Variants in PTPRM observed in about 807,000 individuals in gnomAD.
The protein encoded by PTPRM is protein tyrosine phosphatase receptor type M.
Under a neutral mutation model 186.7 loss-of-function variants are expected in PTPRM, and 47 were observed. That is an observed-to-expected ratio of 0.25 (90% CI 0.20 to 0.32). PTPRM has a LOEUF of 0.32. Ranked by LOEUF, PTPRM falls within the 10% of genes least tolerant of loss-of-function variation. The probability of loss-of-function intolerance (pLI) is 1.00; values close to 1 mark genes in which losing one functional copy is unlikely to be tolerated. For synonymous variants in PTPRM, 668 were observed against 674.9 expected, an observed-to-expected ratio of 0.99 and a Z score of 0.16; for missense variants, 1,494 against 1,865.0, an observed-to-expected ratio of 0.80 and a Z score of 3.66.
chr18:7,571,069 G>T (rs1195909298), intron 1 of PTPRM, among the ~76,000 whole-genome samples: 2 of 151,810 alleles, frequency 1.3e-5, no homozygotes, highest in African/African-American at 4.8e-5. Context: ...CTCCCGAGTA[G>T]CTGGAACTAC....
intron 21 of PTPRM, among the ~76,000 whole-genome samples, chr18:8,315,800 T>G (rs2095305157): frequency 6.6e-6 from 1 of 152,228 alleles, no homozygotes; most frequent in Non-Finnish European, 1.5e-5. Context: ...GAATGTTATC[T>G]TTAGTGCTAA....
chr18:8,164,000 AC>A (rs1406895846), intron 14 of PTPRM, among the ~76,000 whole-genome samples: 1 of 152,230 alleles, frequency 6.6e-6, no homozygotes, highest in Non-Finnish European at 1.5e-5. Flanking sequence ...CAACCATTAA[AC>A]CAGAGCTGTG....
intron 2 of PTPRM, among the ~76,000 whole-genome samples, chr18:7,784,102 T>C (rs751382642): frequency 2.6e-5 from 4 of 152,090 alleles, no homozygotes; most frequent in Non-Finnish European, 4.4e-5. Context: ...TCCTTCTGCC[T>C]GTGGGGGATC....
intron 1 of PTPRM, among the ~76,000 whole-genome samples, chr18:7,712,475 CA>C (rs928060730): frequency 3.9e-5 from 6 of 152,044 alleles, no homozygotes; most frequent in Admixed American, 1.3e-4. Flanking sequence ...CAAAGGATCA[CA>C]ACTCCTTACT....
At chr18:8,270,052 C>T (rs2094751300) in intron 19 of PTPRM, 1 of 151,826 alleles carries the variant, frequency 6.6e-6, no homozygotes, top group African/African-American at 2.4e-5. Context: ...GAAACAAAGA[C>T]ATAAGCAACA....
intron 2 of PTPRM, among the ~76,000 whole-genome samples, chr18:7,797,177 T>C (rs530336013): frequency 6.6e-6 from 1 of 152,202 alleles, no homozygotes; most frequent in African/African-American, 2.4e-5. Context: ...TCAGTGCACA[T>C]GGCCTCATCT....
intron 14 of PTPRM, among the ~76,000 whole-genome samples, chr18:8,221,410 TAAAAG>T (rs1306364878): frequency 6.6e-6 from 1 of 152,144 alleles, no homozygotes; most frequent in Non-Finnish European, 1.5e-5. Flanking sequence ...AATGGATTGT[TAAAAG>T]AAAAATGTTA....
intron 23 of PTPRM, among the ~76,000 whole-genome samples, chr18:8,358,129 A>G (rs2095573491): frequency 6.6e-6 from 1 of 150,476 alleles, no homozygotes; most frequent in Admixed American, 6.6e-5. Context: ...AAGGCTAGCT[A>G]TTCCCCCCCC....
chr18:8,112,888 T>C (rs539283222), intron 11 of PTPRM, among the ~76,000 whole-genome samples: 19 of 152,342 alleles, frequency 1.2e-4, no homozygotes, highest in African/African-American at 4.3e-4. Flanking sequence ...CTCCAAGGCT[T>C]TGGCTTTTGA....
chr18:7,594,582 G>A (rs1567973051), intron 1 of PTPRM, among the ~76,000 whole-genome samples: 1 of 152,140 alleles, frequency 6.6e-6, no homozygotes, highest in Non-Finnish European at 1.5e-5. Flanking sequence ...TTAGATGTTG[G>A]TTTTAAGCTC....
At chr18:7,868,656 C>A (rs1275254200) in intron 2 of PTPRM, among the ~76,000 whole-genome samples, 1 of 152,198 alleles carries the variant, frequency 6.6e-6, no homozygotes, top group African/African-American at 2.4e-5. Flanking sequence ...AGGTGTCTCC[C>A]CATCATGAGG....
At chr18:7,954,279 TATCAAGCTGTGCA>T (rs1401649337) in intron 6 of PTPRM, among the ~76,000 whole-genome samples, 1 of 152,224 alleles carries the variant, frequency 6.6e-6, no homozygotes, top group Non-Finnish European at 1.5e-5. Context: ...TTCTTAGTTT[TATCAAGCTGTGCA>T]TGGTATGTTT....
At chr18:7,934,522 G>C (rs922992043) in intron 5 of PTPRM, among the ~76,000 whole-genome samples, 1 of 152,152 alleles carries the variant, frequency 6.6e-6, no homozygotes, top group African/African-American at 2.4e-5. Flanking sequence ...CAGTTTCACT[G>C]ATCTACCATA....
At chr18:8,081,547 G>A (rs2090129889) in intron 9 of PTPRM, among the ~76,000 whole-genome samples, 1 of 152,172 alleles carries the variant, frequency 6.6e-6, no homozygotes, top group Non-Finnish European at 1.5e-5. Flanking sequence ...AAGTGGAAAA[G>A]TAAAGCTGAA....
At chr18:7,825,236 G>T (rs750610534) in intron 2 of PTPRM, among the ~76,000 whole-genome samples, 2 of 152,106 alleles carry the variant, frequency 1.3e-5, no homozygotes, top group Non-Finnish European at 2.9e-5. Context: ...GTGGGCCAAG[G>T]CTCCCTGGAG....
rs78539815 is a variant in PTPRM, at chr18:7,808,122, C to G, written c.196+33851C>G. Among the ~76,000 whole-genome samples the G allele has an allele frequency of 6.2e-3, 940 of 152,310 alleles. 2 individuals carry two copies. The highest frequency in any genetic ancestry group is 0.021 in the African/African-American group (890 of 41,556). On this transcript the variant is annotated intron_variant, in intron 2 of 32. Coordinates refer to ENST00000580170, the MANE Select transcript of PTPRM (RefSeq NM_001105244.2). The stretch of plus-strand genomic sequence containing the variant: ...TCAGGGATTGTATTATAGGCAGTCT[C>G]CAAACCGTGTGTTTGCCAATATTTC...
At chr18:7,915,940 C>T (rs2050530121) in intron 4 of PTPRM, among the ~76,000 whole-genome samples, 1 of 152,168 alleles carries the variant, frequency 6.6e-6, no homozygotes, top group Non-Finnish European at 1.5e-5. Flanking sequence ...GAAAGTTTGA[C>T]TTTCATGTTC....
intron 11 of PTPRM, 44 bp downstream of exon 11, chr18:8,088,895 A>T (rs1471582928): frequency 2.1e-6 from 3 of 1,418,748 alleles, no homozygotes; most frequent in Non-Finnish European, 2.0e-6. Flanking sequence ...GAAGAAAACT[A>T]AATCAAGTTG....
intron 13 of PTPRM, among the ~76,000 whole-genome samples, chr18:8,119,458 A>G (rs532643044): frequency 6.6e-6 from 1 of 152,326 alleles, no homozygotes; most frequent in African/African-American, 2.4e-5. Context: ...TACATGAGAA[A>G]ACCAATTATA....
Sources: allele counts gnomAD v4.1 joint callset (sites outside exome capture counted in the v4.1 genomes callset), GRCh38; gene constraint gnomAD v4.1.1; transcripts MANE v1.5; gene names NCBI Gene and HGNC (gene_info 2026-07-23, HGNC 2026-07-21).